DEFB121: variants seen among roughly 807,000 people sequenced by gnomAD.
DEFB121 encodes beta-defensin 121.
In DEFB121, 5 loss-of-function variants were observed where a neutral mutation model predicts 2.5. That is an observed-to-expected ratio of 1.96 (90% CI 1.03 to 4.13). DEFB121 has a LOEUF of 4.13. DEFB121 is among the 30% of genes most tolerant of loss of function. The pLI is 0.00. For synonymous variants in DEFB121, 39 were observed against 32.6 expected (o/e 1.20, Z -0.67); for missense variants, 87 against 85.0 (o/e 1.02, Z -0.09).
chr20:31,411,147 C>T (rs193217153), upstream of DEFB121, among the ~76,000 whole-genome samples: 30 of 152,278 alleles, frequency 2.0e-4, no homozygotes, highest in Admixed American at 7.2e-4. Context: ...ATAAAAGACC[C>T]TTTTCCTATC....
upstream of DEFB121, among the ~76,000 whole-genome samples, chr20:31,409,245 C>T (rs6087464): frequency 0.47 from 71,709 of 151,844 alleles, 18,210 homozygotes; most frequent in East Asian, 0.74. Flanking sequence ...AACCAAACAA[C>T]TCCTCTCTTT....
At chr20:31,410,274 C>G (rs1384399722), upstream of DEFB121, among the ~76,000 whole-genome samples, 2 of 152,148 alleles carry the variant, frequency 1.3e-5, no homozygotes, top group African/African-American at 4.8e-5. Flanking sequence ...AAACCAAATA[C>G]CACATGTCCT....
At chr20:31,406,908 TC>T (rs1417976860), upstream of DEFB121, among the ~76,000 whole-genome samples, 1 of 151,922 alleles carries the variant, frequency 6.6e-6, no homozygotes, top group Non-Finnish European at 1.5e-5. Context: ...CAAGCAATTC[TC>T]CTGCTTTGGC....
At chr20:31,408,810 G>A (rs2122353995), upstream of DEFB121, among the ~76,000 whole-genome samples, 1 of 152,316 alleles carries the variant, frequency 6.6e-6, no homozygotes, top group Non-Finnish European at 1.5e-5. Context: ...TGAATCACCT[G>A]AAGCCAGGAA....
chr20:31,415,608 T>A (rs1473916475), upstream of DEFB121, among the ~76,000 whole-genome samples: 1 of 151,554 alleles, frequency 6.6e-6, no homozygotes, highest in African/African-American at 2.4e-5. Flanking sequence ...AATGTCCACA[T>A]ACATAAAAAT....
At chr20:31,413,504 A>G (rs925148833), upstream of DEFB121, among the ~76,000 whole-genome samples, 2 of 152,132 alleles carry the variant, frequency 1.3e-5, no homozygotes, top group African/African-American at 4.8e-5. Context: ...CTGTTTGTCT[A>G]TTTCCCATAC....
upstream of DEFB121, among the ~76,000 whole-genome samples, chr20:31,407,746 T>C (rs1221102966): frequency 6.6e-6 from 1 of 152,242 alleles, no homozygotes; most frequent in Non-Finnish European, 1.5e-5. Flanking sequence ...AAGTGCTTTT[T>C]AGGACAATAA....
At chr20:31,416,891 A>G (rs1034112409), upstream of DEFB121, among the ~76,000 whole-genome samples, 5 of 152,084 alleles carry the variant, frequency 3.3e-5, no homozygotes, top group Non-Finnish European at 7.4e-5. Context: ...GTAGAACAGT[A>G]TATTCTCTTA....
upstream of DEFB121, among the ~76,000 whole-genome samples, chr20:31,408,759 C>T (rs950187067): frequency 1.3e-5 from 2 of 152,216 alleles, no homozygotes; most frequent in Admixed American, 1.3e-4. Flanking sequence ...GGCATGGTGG[C>T]TCACGCCTGT....
At chr20:31,411,111 A>C (rs1003346830), upstream of DEFB121, among the ~76,000 whole-genome samples, 1 of 152,252 alleles carries the variant, frequency 6.6e-6, no homozygotes, top group Non-Finnish European at 1.5e-5. Context: ...AATTAATAGT[A>C]GTTTTCAGCA....
chr20:31,412,536 T>C, intron 1 of DEFB121: 4 of 995,514 alleles, frequency 4.0e-6, no homozygotes, highest in Non-Finnish European at 5.5e-6. Flanking sequence ...AATTAGGTGA[T>C]GCTTGTAAAG....
At chr20:31,407,418 G>A (rs1452087186), upstream of DEFB121, among the ~76,000 whole-genome samples, 1 of 152,210 alleles carries the variant, frequency 6.6e-6, no homozygotes, top group East Asian at 1.9e-4. Flanking sequence ...GGGCAGAAGT[G>A]ACGGTGTGCC....
upstream of DEFB121, among the ~76,000 whole-genome samples, chr20:31,417,658 C>T (rs184930284): frequency 1.1e-4 from 17 of 152,140 alleles, no homozygotes; most frequent in Middle Eastern, 0.01. Flanking sequence ...TTTCAGTAAT[C>T]CCACACGAAA....
At chr20:31,405,618 G>C (rs1978452458) in intron 1 of DEFB121, among the ~76,000 whole-genome samples, 1 of 152,066 alleles carries the variant, frequency 6.6e-6, no homozygotes, top group Admixed American at 6.6e-5. Flanking sequence ...ACCAGTCAAG[G>C]GAATTAGGAA....
chr20:31,413,668 G>A (rs1978724797), upstream of DEFB121, among the ~76,000 whole-genome samples: 1 of 141,222 alleles, frequency 7.1e-6, no homozygotes, highest in Non-Finnish European at 1.6e-5. Flanking sequence ...ATATGCCCTG[G>A]CCTTGGAAGT....
upstream of DEFB121, among the ~76,000 whole-genome samples, chr20:31,417,385 T>A (rs959099070): frequency 2.0e-5 from 3 of 151,794 alleles, no homozygotes; most frequent in Admixed American, 1.3e-4. Context: ...GATAAAAACT[T>A]AGAAATTAAA....
chr20:31,411,887 A>G (rs1007870746), intron 1 of DEFB121, among the ~76,000 whole-genome samples: 2 of 152,218 alleles, frequency 1.3e-5, no homozygotes, highest in Non-Finnish European at 2.9e-5. Flanking sequence ...TTGAGCCTCA[A>G]GTGGGTACCA....
upstream of DEFB121, among the ~76,000 whole-genome samples, chr20:31,416,661 T>C (rs760579121): frequency 6.6e-6 from 1 of 152,222 alleles, no homozygotes; most frequent in Non-Finnish European, 1.5e-5. Context: ...AGATAATGCA[T>C]TCCATCACTG....
At chr20:31,408,676 T>A (rs1195441447), upstream of DEFB121, among the ~76,000 whole-genome samples, 3 of 152,196 alleles carry the variant, frequency 2.0e-5, no homozygotes, top group African/African-American at 7.2e-5. Flanking sequence ...ACACTCAAGT[T>A]TAAATTTTGT....
Sources: gnomAD v4.1 joint callset for allele counts (sites outside exome capture counted in the v4.1 genomes callset) on GRCh38, gnomAD v4.1.1 for gene constraint, MANE v1.5 for transcripts, NCBI Gene and HGNC (gene_info 2026-07-23, HGNC 2026-07-21) for gene names.